The following RSPO3 variants were observed in gnomAD, a reference collection of about 807,000 sequenced individuals.
RSPO3 encodes the protein R-spondin-3.
A neutral mutation model predicts 36.5 loss-of-function variants in RSPO3; 17 were observed. That is an observed-to-expected ratio of 0.47 (90% CI 0.32 to 0.70). The LOEUF (loss-of-function observed/expected upper bound fraction) is 0.70. RSPO3 is among the 30% of genes least tolerant of loss of function. The pLI, the probability that RSPO3 is intolerant of heterozygous loss-of-function variation, is 0.04. For missense variants in RSPO3, 294 were observed against 322.5 expected (o/e 0.91, Z 0.68); for synonymous variants, 108 against 107.0 (o/e 1.01, Z -0.06).
intron 1 of RSPO3, among the ~76,000 whole-genome samples, chr6:127,144,888 C>A (rs1025498931): frequency 2.0e-5 from 3 of 151,994 alleles, no homozygotes; most frequent in African/African-American, 7.2e-5. Flanking sequence ...TCCCAAAATG[C>A]TGGGATTAGA....
intron 3 of RSPO3, among the ~76,000 whole-genome samples, chr6:127,154,022 T>G (rs565312128): frequency 6.6e-6 from 1 of 152,294 alleles, no homozygotes; most frequent in South Asian, 2.1e-4. Flanking sequence ...AAACATAAAG[T>G]CATGTATTTA....
At chr6:127,129,162 C>T (rs957176038) in intron 1 of RSPO3, among the ~76,000 whole-genome samples, 25 of 152,010 alleles carry the variant, frequency 1.6e-4, no homozygotes, top group Admixed American at 1.4e-3. Context: ...ATCACTAAAA[C>T]GACTATAAAT....
intron 4 of RSPO3, among the ~76,000 whole-genome samples, chr6:127,186,072 C>A (rs1025721566): frequency 1.9e-4 from 29 of 152,212 alleles, no homozygotes; most frequent in Admixed American, 9.8e-4. Context: ...TCGTTCAATT[C>A]TTTAATTTAA....
At chr6:127,180,487 C>CAAAAAAAAAAAAAAAAAAAAA (rs71543112) in intron 4 of RSPO3, among the ~76,000 whole-genome samples, 7 of 42,642 alleles carry the variant, frequency 1.6e-4, no homozygotes, top group Admixed American at 3.6e-4. Context: ...TGGAAGAAAA[C>CAAAAAAAAAAAAAAAAAAAAA]AAAAAAAAAA....
chr6:127,151,795 A>G (rs999484871), intron 3 of RSPO3, among the ~76,000 whole-genome samples: 13 of 152,116 alleles, frequency 8.5e-5, no homozygotes, highest in African/African-American at 3.1e-4. Flanking sequence ...AAAAAAAGCA[A>G]CTTAGGAATA....
intron 4 of RSPO3, among the ~76,000 whole-genome samples, chr6:127,157,539 A>G (rs1451526922): frequency 2.0e-5 from 3 of 152,186 alleles, no homozygotes; most frequent in South Asian, 4.1e-4. Flanking sequence ...AACCTGTGAC[A>G]TAAGATTTAG....
At chr6:127,185,021 C>T (rs146341995) in intron 4 of RSPO3, among the ~76,000 whole-genome samples, 1 of 152,104 alleles carries the variant, frequency 6.6e-6, no homozygotes, top group East Asian at 1.9e-4. Context: ...ATAGAGAAAG[C>T]ACAGTGAAAA....
In RSPO3 at chr6:127,141,892, T is replaced by C. The variant is rs202216635; in HGVS notation, c.98-6756T>C. 2.0e-5 allele frequency among the ~76,000 whole-genome samples: 3 copies of C among 152,302 alleles called. No homozygotes were observed. The East Asian group carries it at 5.8e-4, about 29-fold the overall frequency. On this transcript the variant is annotated intron_variant, in intron 1 of 4. Coordinates refer to ENST00000356698, the MANE Select transcript of RSPO3 (RefSeq NM_032784.5). ...ATATACACACATATATGTGTGTGTG[T>C]ATCCATATACACATGCGCAGACATA...
At chr6:127,183,999 G>A (rs1200400402) in intron 4 of RSPO3, among the ~76,000 whole-genome samples, 1 of 151,930 alleles carries the variant, frequency 6.6e-6, no homozygotes, top group Admixed American at 6.6e-5. Flanking sequence ...AAGAAAAAGG[G>A]GGAAAAGCCC....
chr6:127,197,734 C>T lies in RSPO3; in HGVS notation c.*1727C>T. The T allele has an allele frequency of 2.0e-6, 1 of 507,848 alleles. No homozygotes were observed. The highest frequency in any genetic ancestry group is 3.4e-6 in the Non-Finnish European group (1 of 293,402). 31.5% of individuals were successfully genotyped at this position (507,848 alleles called of 1,614,324 possible). A position where few individuals can be genotyped will look rare whatever the true frequency, so the allele number is the denominator to read the frequency against. On this transcript the variant is annotated 3_prime_UTR_variant, in exon 5 of 5. Transcript: ENST00000356698. ...TAATTGATTTTCCACTTCTCTCTTC[C>T]TCTTCTAAGATATAAACATTTTAAA...
At chr6:127,144,577 C>T (rs555401350) in intron 1 of RSPO3, among the ~76,000 whole-genome samples, 38 of 150,580 alleles carry the variant, frequency 2.5e-4, no homozygotes, top group Non-Finnish European at 5.0e-4. Flanking sequence ...ATTTTGTTCT[C>T]TTACCAAATG....
At chr6:127,141,029 A>C (rs766248129) in intron 1 of RSPO3, among the ~76,000 whole-genome samples, 1 of 152,200 alleles carries the variant, frequency 6.6e-6, no homozygotes, top group Non-Finnish European at 1.5e-5. Flanking sequence ...AACAACACTC[A>C]TTACAATCTT....
At chr6:127,145,738 A>G (rs1368317943) in intron 1 of RSPO3, among the ~76,000 whole-genome samples, 1 of 152,112 alleles carries the variant, frequency 6.6e-6, no homozygotes, top group East Asian at 1.9e-4. Context: ...ACAACTTCAA[A>G]TAATAGTAGG....
intron 4 of RSPO3, among the ~76,000 whole-genome samples, chr6:127,182,134 G>A (rs1224452112): frequency 1.3e-5 from 2 of 151,684 alleles, no homozygotes; most frequent in Non-Finnish European, 2.9e-5. Context: ...AGCTCTCTGG[G>A]AAACTCTCCT....
At chr6:127,129,139 T>C (rs1427271468) in intron 1 of RSPO3, among the ~76,000 whole-genome samples, 1 of 152,080 alleles carries the variant, frequency 6.6e-6, no homozygotes, top group Non-Finnish European at 1.5e-5. Flanking sequence ...TCACTTTAGA[T>C]TGACTACTGG....
intron 1 of RSPO3, among the ~76,000 whole-genome samples, chr6:127,125,061 G>A (rs1773913885): frequency 6.6e-6 from 1 of 152,026 alleles, no homozygotes; most frequent in East Asian, 1.9e-4. Flanking sequence ...CCTCTTATCT[G>A]ATAAGAGCAT....
chr6:127,149,592 T>A (rs1774450974), intron 2 of RSPO3, among the ~76,000 whole-genome samples: 1 of 152,050 alleles, frequency 6.6e-6, no homozygotes, highest in Non-Finnish European at 1.5e-5. Context: ...GATCATCCTA[T>A]CCAAAATAAT....
chr6:127,181,618 T>C (rs1325506096), intron 4 of RSPO3, among the ~76,000 whole-genome samples: 1 of 151,820 alleles, frequency 6.6e-6, no homozygotes, highest in African/African-American at 2.4e-5. Flanking sequence ...GATCCAAAAG[T>C]GTGCTTGATT....
intron 4 of RSPO3, among the ~76,000 whole-genome samples, chr6:127,158,808 T>A (rs1394260510): frequency 1.7e-4 from 26 of 152,146 alleles, no homozygotes; most frequent in Admixed American, 1.7e-3. Context: ...ATTATTCCCC[T>A]TTACTTGACA....
Sources: gnomAD v4.1 joint callset for allele counts (sites outside exome capture counted in the v4.1 genomes callset) on GRCh38, gnomAD v4.1.1 for gene constraint, MANE v1.5 for transcripts, NCBI Gene and HGNC (gene_info 2026-07-23, HGNC 2026-07-21) for gene names.